Variants in CHD7 observed in about 807,000 individuals in gnomAD.
The protein encoded by CHD7 is chromodomain helicase DNA binding protein 7.
CHD7 carries 24 observed loss-of-function variants against 307.3 expected under a neutral mutation model. That is an observed-to-expected ratio of 0.08 (90% confidence interval 0.06 to 0.11). CHD7 has a LOEUF of 0.11. Among genes scored for constraint, CHD7 ranks in the 10% least tolerant of loss-of-function variants. The pLI is 1.00. For synonymous variants in CHD7, 1,363 were observed against 1,349.9 expected (o/e 1.01, Z -0.21); for missense variants, 3,106 against 3,727.1 (o/e 0.83, Z 4.34).
chr8:60,850,449 CTTTG>C (rs1805402502), intron 25 of CHD7, 40 bp from the exon 26 acceptor site: 1 of 1,570,790 alleles, frequency 6.4e-7, no homozygotes, highest in Non-Finnish European at 8.7e-7. Context: ...TGGGGCCTTT[CTTTG>C]TTTCTGTGTG....
chr8:60,785,666 G>A (rs1353121468), intron 3 of CHD7, among the ~76,000 whole-genome samples: 1 of 152,114 alleles, frequency 6.6e-6, no homozygotes, highest in Non-Finnish European at 1.5e-5. Flanking sequence ...ATTTTATGGT[G>A]TACTCTTGTA....
rs139210772 is a variant in CHD7, at chr8:60,699,516, TA to T, written c.-175+20443del. 3.3e-3 allele frequency among the ~76,000 whole-genome samples: 495 copies of T among 151,512 alleles called. 1 individual carries two copies. The highest frequency in any genetic ancestry group is 9.6e-3 in the African/African-American group (394 of 41,038). On this transcript the variant is annotated intron_variant, in intron 1 of 37. Coordinates refer to ENST00000423902, the MANE Select transcript of CHD7 (RefSeq NM_017780.4). ...AGGTCTTATTTTATTACATTTCACT[TA>T]AAAAAAAATTTTTTTTTTTTTAAAG...
Position 60,865,354 on chromosome 8 carries a change from C to T in CHD7, c.8415C>T (p.Gly2805=), listed in dbSNP as rs376888234. The change falls in exon 38 of 38, where the codon GGC becomes GGT. Residue 2805 remains glycine (G), a synonymous_variant. Coordinates refer to ENST00000423902, the MANE Select transcript of CHD7 (RefSeq NM_017780.4). The surrounding 1 kb of genome is among the most constrained non-coding windows in gnomAD (Gnocchi z 4.3). ...VLPLMLPGMA[G]LPNVFGLGGL... ...CCCTGATGCTGCCAGGAATGGCGGG[C>T]CTGCCCAACGTGTTTGGCTTGGGCG... 6.2e-7 allele frequency: 1 copy of T among 1,610,328 alleles called. No homozygotes were observed. The highest frequency in any genetic ancestry group is 8.5e-7 in the Non-Finnish European group (1 of 1,178,706).
intron 1 of CHD7, among the ~76,000 whole-genome samples, chr8:60,725,763 G>A (rs1210801200): frequency 1.3e-5 from 2 of 152,170 alleles, no homozygotes; most frequent in Non-Finnish European, 2.9e-5. Context: ...GGAGTAAAGG[G>A]TAGTGAGAGA....
chr8:60,782,824 G>GC (rs1257307044), intron 3 of CHD7, among the ~76,000 whole-genome samples: 1 of 151,990 alleles, frequency 6.6e-6, no homozygotes, highest in East Asian at 1.9e-4. Context: ...GAAAGACATG[G>GC]GTAGAATTTT....
chr8:60,800,503 A>G lies in CHD7; in HGVS notation c.2354A>G (p.Asn785Ser). The part of the protein sequence containing the change: ...ADAAGRDSPS[N>S]TSQSEQQESV... ...GCTGCTGGGAGGGATTCCCCCTCCA[A>G]CACCTCCCAGTCAGAACAGCAGGTT... Residue 785 changes from asparagine to serine, a missense_variant, in exon 5 of 38, where the codon AAC becomes AGC. Coordinates refer to ENST00000423902, the MANE Select transcript of CHD7 (RefSeq NM_017780.4). 6.2e-7 allele frequency: 1 copy of G among 1,613,808 alleles called. No individual in the cohort carries two copies. The highest frequency in any genetic ancestry group is 8.5e-7 in the Non-Finnish European group (1 of 1,179,790).
At chr8:60,848,105 A>G (rs1238213501) in intron 23 of CHD7, among the ~76,000 whole-genome samples, 2 of 152,238 alleles carry the variant, frequency 1.3e-5, no homozygotes, top group Non-Finnish European at 2.9e-5. Flanking sequence ...AATGGTATTA[A>G]GGCAGCAGCT....
intron 3 of CHD7, among the ~76,000 whole-genome samples, chr8:60,791,733 G>A (rs184716040): frequency 6.6e-6 from 1 of 152,202 alleles, no homozygotes; most frequent in Non-Finnish European, 1.5e-5. Context: ...TTAATAGCCT[G>A]GGCGGGAAAT....
intron 3 of CHD7, among the ~76,000 whole-genome samples, chr8:60,791,766 G>C (rs1224579253): frequency 6.6e-6 from 1 of 152,232 alleles, no homozygotes; most frequent in Non-Finnish European, 1.5e-5. Flanking sequence ...AACTAAAGCA[G>C]TGGTCATGGG....
intron 2 of CHD7, among the ~76,000 whole-genome samples, chr8:60,755,066 G>C (rs1809825808): frequency 6.6e-6 from 1 of 152,122 alleles, no homozygotes; most frequent in African/African-American, 2.4e-5. Flanking sequence ...TGGCACTGAA[G>C]GCCCTGTTGT....
At chr8:60,757,613 GTAA>G (rs1409945182) in intron 2 of CHD7, among the ~76,000 whole-genome samples, 3 of 152,202 alleles carry the variant, frequency 2.0e-5, no homozygotes, top group Non-Finnish European at 4.4e-5. Context: ...GCAACACACT[GTAA>G]TAATATTTGG....
chr8:60,791,417 A>G (rs1811766000), intron 3 of CHD7, among the ~76,000 whole-genome samples: 1 of 152,162 alleles, frequency 6.6e-6, no homozygotes, highest in Admixed American at 6.5e-5. Context: ...TATCTGCGTC[A>G]AGCAGCTCAG....
rs1340154642 is a variant in CHD7, at chr8:60,800,409, G to C, written c.2260G>C (p.Val754Leu). The change falls in exon 5 of 38, where the codon GTG (valine) becomes CTG (leucine). Residue 754 changes from valine (V) to leucine (L), a missense_variant. Coordinates refer to ENST00000423902, the MANE Select transcript of CHD7 (RefSeq NM_017780.4). ...TTAGAAGAGACGGTCCAGCAGACAG[G>C]TGAAGAGAAAGCGCTACACTGAAGA... ...GVQKRRSSRQ[V>L]KRKRYTEDLE... 3 of 1,613,580 alleles carry C rather than the reference G, an allele frequency of 1.9e-6. No individual in the cohort carries two copies. In the African/African-American group the frequency reaches 4.0e-5, roughly 22 times the overall value.
intron 14 of CHD7, among the ~76,000 whole-genome samples, chr8:60,829,678 G>T (rs1382673396): frequency 6.6e-6 from 1 of 152,176 alleles, no homozygotes; most frequent in Non-Finnish European, 1.5e-5. Flanking sequence ...GTTATAATTT[G>T]TGTGCTGTAT....
intron 2 of CHD7, among the ~76,000 whole-genome samples, chr8:60,774,605 C>T (rs1810864794): frequency 6.6e-6 from 1 of 152,136 alleles, no homozygotes; most frequent in Non-Finnish European, 1.5e-5. Context: ...CAGCACCCAA[C>T]CAAGGGTGGA....
At position 60,861,318 on chromosome 8, in the gene CHD7, A is replaced by C. The variant is rs1452134321; in HGVS notation, c.7830+193A>C. ...ACTAGCTTCAGGTCTGTCTTACTGA[A>C]GGCAGCCTTACAGTTATTTGAAGAT... On this transcript the variant is annotated intron_variant, in intron 35 of 37. Coordinates refer to ENST00000423902, the MANE Select transcript of CHD7 (RefSeq NM_017780.4). 1.1e-5 allele frequency: 6 copies of C among 547,060 alleles called. No homozygotes were observed. In the African/African-American group the frequency reaches 1.1e-4, roughly 10 times the overall value. 33.9% of individuals were successfully genotyped at this position (547,060 alleles called of 1,614,324 possible).
intron 1 of CHD7, among the ~76,000 whole-genome samples, chr8:60,729,335 A>G (rs904389464): frequency 6.6e-6 from 1 of 152,074 alleles, no homozygotes; most frequent in African/African-American, 2.4e-5. Context: ...ACCTTTATTT[A>G]TATTCTTTAG....
intron 19 of CHD7, among the ~76,000 whole-genome samples, chr8:60,839,042 A>G (rs988233709): frequency 6.6e-6 from 1 of 152,180 alleles, no homozygotes; most frequent in African/African-American, 2.4e-5. Context: ...ATTTCCATAT[A>G]CCCCAGAAAG....
intron 1 of CHD7, chr8:60,679,810 A>C (rs1805493971): frequency 1.4e-5 from 2 of 145,676 alleles, no homozygotes; most frequent in Non-Finnish European, 1.5e-5. Flanking sequence ...GCGGCGGGGA[A>C]AGTGCGCGGG....
Sources: allele counts gnomAD v4.1 joint callset (sites outside exome capture counted in the v4.1 genomes callset), GRCh38; gene constraint gnomAD v4.1.1; non-coding constraint Gnocchi (gnomAD v3.1); transcripts MANE v1.5; gene names NCBI Gene and HGNC (gene_info 2026-07-23, HGNC 2026-07-21).